SCML4: variants seen among roughly 807,000 people sequenced by gnomAD.
SCML4 encodes sex comb on midleg-like protein 4.
In SCML4, 34 loss-of-function variants were observed where a neutral mutation model predicts 41.1. The observed-to-expected ratio is 0.83, with a 90% CI of 0.63 to 1.10. The LOEUF is 1.10. Among genes scored for constraint, SCML4 ranks in the 50% least tolerant of loss-of-function variants. SCML4 has a pLI of 0.00. For missense variants in SCML4, 522 were observed against 534.1 expected, an observed-to-expected ratio of 0.98 and a Z score of 0.22; for synonymous variants, 214 against 220.9, an observed-to-expected ratio of 0.97 and a Z score of 0.28.
At chr6:107,841,015 A>G in the SCML4 span, among the ~76,000 whole-genome samples, 23 of 152,148 alleles carry the variant, frequency 1.5e-4, no homozygotes, top group African/African-American at 5.1e-4. Flanking sequence ...GATTTTTGTG[A>G]TGATATCAGA....
rs10677944 is a variant in SCML4, at chr6:107,822,508, C to CTTTTTTTT, written c.-60+1610_-60+1617dup. Among the ~76,000 whole-genome samples the CTTTTTTTT allele has an allele frequency of 2.3e-3, 322 of 137,962 alleles. 7 individuals are homozygous for CTTTTTTTT. Among genetic ancestry groups the CTTTTTTTT allele is most frequent in the African/African-American group, 8.4e-3 (293 of 34,818 alleles). 90.5% of individuals were successfully genotyped at this position (137,962 alleles called of 152,430 possible). ...ATTTACTCTTTTCTTTTTTTCTTTTCTTTTTTTTTTTTTGCAGCAAAATAA... is the reference window on the plus strand; with the variant it reads ...ATTTACTCTTTTCTTTTTTTCTTTTCTTTTTTTTTTTTTTTTTTTTTGCAGCAAAATAA... On this transcript the variant is annotated intron_variant, in intron 1 of 7. Transcript: ENST00000369020.
chr6:107,844,742 C>A, the SCML4 span, among the ~76,000 whole-genome samples: 1 of 151,966 alleles, frequency 6.6e-6, no homozygotes, highest in Non-Finnish European at 1.5e-5. Flanking sequence ...CTCTAACACT[C>A]ATTATATATT....
At chr6:107,768,614 T>C (rs1449116767) in intron 2 of SCML4, among the ~76,000 whole-genome samples, 1 of 152,208 alleles carries the variant, frequency 6.6e-6, no homozygotes, top group Non-Finnish European at 1.5e-5. Flanking sequence ...CTTGGTTCAT[T>C]CATGCCTAAG....
At chr6:107,717,278 G>A (rs1181285943) in intron 6 of SCML4, among the ~76,000 whole-genome samples, 8 of 135,158 alleles carry the variant, frequency 5.9e-5, no homozygotes, top group Non-Finnish European at 9.3e-5. Context: ...GTGACAGAGC[G>A]AGACTCTGTC....
rs989543352 is a variant in SCML4, at chr6:107,776,023, T to C, written c.-59-3637A>G. ...GAAATTCCCAACACTTAAATATACA[T>C]AAAAAAAGAAACATTAAAAAGTCCT... On this transcript the variant is annotated intron_variant, in intron 1 of 7. Transcript: ENST00000369020. Among the ~76,000 whole-genome samples, 8 of 151,880 alleles carry C rather than the reference T, an allele frequency of 5.3e-5. No homozygotes were observed. In the East Asian group the frequency reaches 1.2e-3, roughly 22 times the overall value.
the SCML4 span, among the ~76,000 whole-genome samples, chr6:107,832,830 C>T: frequency 6.6e-6 from 1 of 152,204 alleles, no homozygotes; most frequent in African/African-American, 2.4e-5. Context: ...CACATGTGAC[C>T]TCCTGCCCTC....
chr6:107,770,050 A>AT (rs560324487), intron 2 of SCML4, among the ~76,000 whole-genome samples: 110 of 152,262 alleles, frequency 7.2e-4, no homozygotes, highest in African/African-American at 2.6e-3. Flanking sequence ...ATTAGTTGAC[A>AT]TTTGGCAAAT....
chr6:107,819,300 T>A (rs6925509), intron 1 of SCML4, among the ~76,000 whole-genome samples: 29,316 of 89,684 alleles, frequency 0.33, 3,148 homozygotes, highest in South Asian at 0.47. Context: ...TCAGGCCATA[T>A]GTTTCTGTTT....
At chr6:107,798,772 A>C (rs1048703869) in intron 1 of SCML4, among the ~76,000 whole-genome samples, 2 of 152,052 alleles carry the variant, frequency 1.3e-5, no homozygotes, top group African/African-American at 4.8e-5. Context: ...CACATCCAAC[A>C]CATTTTAGTA....
intron 2 of SCML4, among the ~76,000 whole-genome samples, chr6:107,771,345 A>G (rs1225089204): frequency 6.6e-6 from 1 of 152,196 alleles, no homozygotes; most frequent in African/African-American, 2.4e-5. Context: ...ATAAGCCTTT[A>G]TTTCACGAAA....
At chr6:107,779,625 C>G (rs1026575807) in intron 1 of SCML4, among the ~76,000 whole-genome samples, 1 of 152,160 alleles carries the variant, frequency 6.6e-6, no homozygotes, top group Non-Finnish European at 1.5e-5. Context: ...AATGTTCTAA[C>G]TCACTGTCAT....
chr6:107,796,981 C>T (rs925602664), intron 1 of SCML4, among the ~76,000 whole-genome samples: 2 of 152,094 alleles, frequency 1.3e-5, no homozygotes, highest in African/African-American at 4.8e-5. Flanking sequence ...AATAAATGAA[C>T]CTCATGAATC....
Position 107,727,080 on chromosome 6 carries a change from G to T in SCML4, c.683-6087C>A, listed in dbSNP as rs184238389. Among the ~76,000 whole-genome samples, 432 of 152,262 alleles carry T rather than the reference G, an allele frequency of 2.8e-3. 2 individuals carry two copies. Among genetic ancestry groups the T allele is most frequent in the African/African-American group, 9.7e-3 (401 of 41,536 alleles). ...CAAAATATTATTTGTCCATAAAAAG[G>T]AATGAAGTACTGATATCTGTTACAG... On this transcript the variant is annotated intron_variant, in intron 5 of 7. Coordinates refer to ENST00000369020, the MANE Select transcript of SCML4 (RefSeq NM_198081.5).
At chr6:107,800,426 C>A (rs887036432) in intron 1 of SCML4, among the ~76,000 whole-genome samples, 1 of 152,102 alleles carries the variant, frequency 6.6e-6, no homozygotes, top group Non-Finnish European at 1.5e-5. Context: ...TTGCCCAATA[C>A]CCAACCAGTC....
chr6:107,813,180 G>T (rs949016427), intron 1 of SCML4, among the ~76,000 whole-genome samples: 1 of 150,846 alleles, frequency 6.6e-6, no homozygotes, highest in Non-Finnish European at 1.5e-5. Context: ...CTGGCAACAT[G>T]ATGAAACCCC....
chr6:107,826,336 A>G (rs989710449), upstream of SCML4, among the ~76,000 whole-genome samples: 2 of 152,096 alleles, frequency 1.3e-5, no homozygotes, highest in African/African-American at 4.8e-5. Flanking sequence ...AGAAAAGGAA[A>G]GAAGATGGAT....
At chr6:107,814,485 C>T (rs1460704905) in intron 1 of SCML4, among the ~76,000 whole-genome samples, 1 of 152,194 alleles carries the variant, frequency 6.6e-6, no homozygotes, top group Non-Finnish European at 1.5e-5. Context: ...ACATCACAGT[C>T]CCTCAGTAGT....
intron 2 of SCML4, among the ~76,000 whole-genome samples, chr6:107,768,855 A>T (rs906286471): frequency 6.6e-6 from 1 of 152,246 alleles, no homozygotes; most frequent in African/African-American, 2.4e-5. Flanking sequence ...CCCAACCAGG[A>T]AGACACAGAA....
At chr6:107,726,376 A>C (rs1341827645) in intron 5 of SCML4, among the ~76,000 whole-genome samples, 2 of 151,658 alleles carry the variant, frequency 1.3e-5, no homozygotes, top group Non-Finnish European at 2.9e-5. Flanking sequence ...TACTAAAAAT[A>C]CAAAAAATTA....
Sources: allele counts gnomAD v4.1 joint callset (sites outside exome capture counted in the v4.1 genomes callset), GRCh38; gene constraint gnomAD v4.1.1; transcripts MANE v1.5; gene names NCBI Gene and HGNC (gene_info 2026-07-23, HGNC 2026-07-21).